Variants in FAM169A observed in about 807,000 individuals in gnomAD.
The protein encoded by FAM169A is soluble lamin-associated protein of 75 kDa.
A neutral mutation model predicts 75.7 loss-of-function variants in FAM169A; 24 were observed. The observed-to-expected ratio is 0.32, with a 90% CI of 0.23 to 0.45. The LOEUF (loss-of-function observed/expected upper bound fraction) is 0.45, where lower values mean the gene tolerates loss of function less well. Ranked by LOEUF, FAM169A falls within the 20% of genes least tolerant of loss-of-function variation. The pLI is 1.00. For synonymous variants in FAM169A, 271 were observed against 271.0 expected (o/e 1.00, Z 0.00); for missense variants, 673 against 784.0 (o/e 0.86, Z 1.69).
At chr5:74,835,900 T>C (rs1315758593) in intron 4 of FAM169A, among the ~76,000 whole-genome samples, 1 of 152,206 alleles carries the variant, frequency 6.6e-6, no homozygotes, top group Non-Finnish European at 1.5e-5. Flanking sequence ...TTTGATATTC[T>C]GCAGCCACAT....
chr5:74,840,884 A>C (rs1170382427), intron 2 of FAM169A, among the ~76,000 whole-genome samples: 1 of 152,034 alleles, frequency 6.6e-6, no homozygotes, highest in Non-Finnish European at 1.5e-5. Context: ...GGGAAGATAC[A>C]TGCTACTAAT....
rs778247327 is a variant in FAM169A at position 74,838,985 on chromosome 5, A to C, written c.298T>G (p.Ser100Ala). The change falls in exon 4 of 13, where the codon TCA (serine) becomes GCA (alanine). Residue 100 changes from serine to alanine, a missense_variant. Physicochemically the swap from Ser to Ala is moderately conservative, Grantham distance 99 (BLOSUM62 1). Coordinates refer to ENST00000687041, the MANE Select transcript of FAM169A (RefSeq NM_001376049.1). ...IDDIVKTSVP[S>A]REGLKQVSTL... Reference sequence around the variant, plus strand: ...GTTACCTGCTTAAGCCCCTCTCTTGAAGGAACAGATGTTTTCACAATATCA... The same window carrying C: ...GTTACCTGCTTAAGCCCCTCTCTTGCAGGAACAGATGTTTTCACAATATCA... 6.8e-5 allele frequency: 110 copies of C among 1,613,504 alleles called. No homozygotes were observed. The highest frequency in any genetic ancestry group is 8.8e-5 in the Non-Finnish European group (104 of 1,179,566).
chr5:74,783,160 A>C, intron 11 of FAM169A, 26 bp from the exon 12 acceptor site: 1 of 1,540,892 alleles, frequency 6.5e-7, no homozygotes, highest in Non-Finnish European at 8.9e-7. Context: ...AGAGGGAAAA[A>C]GTAAGGACAT....
intron 5 of FAM169A, among the ~76,000 whole-genome samples, chr5:74,824,797 T>G (rs1369763659): frequency 6.6e-6 from 1 of 152,016 alleles, no homozygotes; most frequent in Non-Finnish European, 1.5e-5. Flanking sequence ...GCTGATATTT[T>G]CGGTATTTAC....
At chr5:74,794,874 A>G (rs1746187142) in intron 11 of FAM169A, among the ~76,000 whole-genome samples, 2 of 151,992 alleles carry the variant, frequency 1.3e-5, no homozygotes, top group Non-Finnish European at 2.9e-5. Context: ...AGAATTGCTT[A>G]AACCCAGGAG....
At chr5:74,822,979 C>T (rs1025126784) in intron 5 of FAM169A, among the ~76,000 whole-genome samples, 1 of 152,160 alleles carries the variant, frequency 6.6e-6, no homozygotes, top group Non-Finnish European at 1.5e-5. Context: ...TTCCCTTCTC[C>T]ACTCCTACTG....
At chr5:74,817,640 G>T (rs2112589203) in intron 5 of FAM169A, among the ~76,000 whole-genome samples, 1 of 152,172 alleles carries the variant, frequency 6.6e-6, no homozygotes, top group Non-Finnish European at 1.5e-5. Flanking sequence ...CTAGCGAATT[G>T]TTTTGCAAAA....
chr5:74,866,334 TCCTCGTCGCG>T lies in FAM169A; in HGVS notation c.-183_-174del. On this transcript the variant is annotated 5_prime_UTR_variant, in exon 1 of 13. Transcript: ENST00000687041. The stretch of plus-strand genomic sequence containing the variant: ...CTCCCGCTCGCCCCGGACGCCCGGC[TCCTCGTCGCG>T]GGTCGGCCGCGGCCCACCGTGCCCT... 1 of 983,458 alleles carries T rather than the reference TCCTCGTCGCG, an allele frequency of 1.0e-6. No individual in the cohort carries two copies. Among genetic ancestry groups the T allele is most frequent in the African/African-American group, 1.8e-5 (1 of 56,660 alleles). The allele number at this position is 983,458 out of a possible 1,614,324, so 60.9% of individuals were successfully genotyped here.
intron 5 of FAM169A, among the ~76,000 whole-genome samples, chr5:74,816,910 A>G (rs1490131399): frequency 6.6e-6 from 1 of 152,210 alleles, no homozygotes; most frequent in Non-Finnish European, 1.5e-5. Context: ...TTTAACCTCT[A>G]TAAAGCATGA....
chr5:74,840,800 A>G (rs377651683), intron 2 of FAM169A, among the ~76,000 whole-genome samples: 1 of 151,452 alleles, frequency 6.6e-6, no homozygotes, highest in Non-Finnish European at 1.5e-5. Flanking sequence ...ATGCACTCCA[A>G]CCTGGGCGAC....
At chr5:74,853,019 G>C (rs1749521653) in intron 1 of FAM169A, among the ~76,000 whole-genome samples, 1 of 152,108 alleles carries the variant, frequency 6.6e-6, no homozygotes, top group Admixed American at 6.5e-5. Context: ...TTCTTCATCT[G>C]TCTCTCCTAC....
chr5:74,804,562 A>G lies in FAM169A; in HGVS notation c.843T>C (p.Tyr281=), dbSNP rs748950921. The change falls in exon 8 of 13, where the codon TAT becomes TAC. Residue 281 remains tyrosine (Y), a synonymous_variant. Coordinates refer to ENST00000687041, the MANE Select transcript of FAM169A (RefSeq NM_001376049.1). ...NEPKRPMSGE[Y]GPASVPEYEA... is the part of the protein sequence containing the mutation. ...CGTATTCTGGAACAGATGCAGGACCATATTCTCCAGACATAGGTCTTTTAG... is the reference window on the plus strand; with the variant it reads ...CGTATTCTGGAACAGATGCAGGACCGTATTCTCCAGACATAGGTCTTTTAG... 5.6e-6 allele frequency: 9 copies of G among 1,612,198 alleles called. No individual in the cohort carries two copies. The highest frequency in any genetic ancestry group is 7.6e-6 in the Non-Finnish European group (9 of 1,178,794).
chr5:74,819,221 G>GAAA (rs768974417), intron 5 of FAM169A, among the ~76,000 whole-genome samples: 1 of 80,806 alleles, frequency 1.2e-5, no homozygotes, highest in Non-Finnish European at 2.7e-5. Context: ...TCGTCTCAAA[G>GAAA]AAAAAAAAAA....
intron 5 of FAM169A, among the ~76,000 whole-genome samples, chr5:74,828,616 A>G (rs1748154736): frequency 6.6e-6 from 1 of 152,196 alleles, no homozygotes; most frequent in African/African-American, 2.4e-5. Context: ...CACCTCCCAG[A>G]AGTAGCTAGT....
At chr5:74,796,497 C>T (rs1478880902) in intron 10 of FAM169A, among the ~76,000 whole-genome samples, 1 of 152,048 alleles carries the variant, frequency 6.6e-6, no homozygotes, top group East Asian at 1.9e-4. Context: ...CCTCCACCTC[C>T]CAGGTTCAAG....
chr5:74,803,185 A>T (rs527586933), intron 8 of FAM169A, among the ~76,000 whole-genome samples: 4 of 152,214 alleles, frequency 2.6e-5, no homozygotes, highest in African/African-American at 7.2e-5. Flanking sequence ...TGACACATCT[A>T]AAATTATTTG....
chr5:74,826,970 T>C (rs1188136396), intron 5 of FAM169A, among the ~76,000 whole-genome samples: 1 of 152,160 alleles, frequency 6.6e-6, no homozygotes, highest in Admixed American at 6.6e-5. Context: ...TGATTGTCAG[T>C]TACTTTATAG....
rs1051468564 is a variant in FAM169A, at chr5:74,834,280, G to C, written c.490+146C>G. On this transcript the variant is annotated intron_variant, in intron 5 of 12. Coordinates refer to ENST00000687041, the MANE Select transcript of FAM169A (RefSeq NM_001376049.1). ...CAATCCTCACTGTCATAGGATGGTAGAATCAAAGTACTCCCAAGAAATACT... is the reference window on the plus strand; with the variant it reads ...CAATCCTCACTGTCATAGGATGGTACAATCAAAGTACTCCCAAGAAATACT... The C allele has an allele frequency of 2.1e-5, 9 of 435,598 alleles. No homozygotes were observed. The Admixed American group carries it at 3.8e-4, about 19-fold the overall frequency. The allele number at this position is 435,598 out of a possible 1,614,324, so 27.0% of individuals were successfully genotyped here. A position where few individuals can be genotyped will look rare whatever the true frequency, so the allele number is the denominator to read the frequency against.
intron 1 of FAM169A, among the ~76,000 whole-genome samples, chr5:74,865,123 T>C (rs1750248102): frequency 6.6e-6 from 1 of 152,130 alleles, no homozygotes; most frequent in African/African-American, 2.4e-5. Flanking sequence ...AATGACAAAA[T>C]ATAAATGGCT....
Sources: allele counts gnomAD v4.1 joint callset (sites outside exome capture counted in the v4.1 genomes callset), GRCh38; gene constraint gnomAD v4.1.1; transcripts MANE v1.5; gene names NCBI Gene and HGNC (gene_info 2026-07-23, HGNC 2026-07-21).